STX8: variants seen among roughly 807,000 people sequenced by gnomAD.
The protein encoded by STX8 is syntaxin-8.
STX8 carries 23 observed loss-of-function variants against 37.5 expected under a neutral mutation model. That is an observed-to-expected ratio of 0.61 (90% CI 0.44 to 0.87). STX8 has a LOEUF of 0.87. STX8 is among the 40% of genes least tolerant of loss of function. The pLI is 0.00. For missense variants in STX8, 313 were observed against 284.7 expected (o/e 1.10, Z -0.71); for synonymous variants, 115 against 99.1 (o/e 1.16, Z -0.95).
chr17:9,255,557 T>TATATAAATAAATAA (rs1567756297), intron 7 of STX8, among the ~76,000 whole-genome samples: 1 of 109,818 alleles, frequency 9.1e-6, no homozygotes, highest in Non-Finnish European at 1.8e-5. Context: ...TAAATAAATA[T>TATATAAATAAATAA]ATAAATAAAT....
chr17:9,491,884 T>C lies in STX8; in HGVS notation c.486A>G (p.Ile162Met). Residue 162 changes from isoleucine (I) to methionine (M), a missense_variant, in exon 6 of 8, where the codon ATA becomes ATG. By Grantham distance (10) the Ile-to-Met change is conservative. Transcript: ENST00000306357. ...CCTGCCCCATTTGTTTTTGGCGACT[T>C]ATGATAGAGGAAAGGGCATCAAGGC... The part of the protein sequence containing the change: ...DAGLDALSSI[I>M]SRQKQMGQEI... The C allele has an allele frequency of 1.2e-6, 2 of 1,613,876 alleles. No homozygotes were observed. Among genetic ancestry groups the C allele is most frequent in the Non-Finnish European group, 8.5e-7 (1 of 1,179,946 alleles).
intron 4 of STX8, among the ~76,000 whole-genome samples, chr17:9,529,383 T>C (rs963406269): frequency 6.6e-6 from 1 of 152,214 alleles, no homozygotes; most frequent in African/African-American, 2.4e-5. Flanking sequence ...GTGTAATACA[T>C]GTACATGTAG....
intron 2 of STX8, among the ~76,000 whole-genome samples, chr17:9,559,945 A>G (rs1215325388): frequency 6.8e-6 from 1 of 148,112 alleles, no homozygotes; most frequent in Non-Finnish European, 1.5e-5. Context: ...TATTTTTAGT[A>G]GAGACAGAGT....
intron 4 of STX8, among the ~76,000 whole-genome samples, chr17:9,524,783 TTTTG>T (rs55695494): frequency 2.0e-5 from 3 of 150,010 alleles, no homozygotes; most frequent in Non-Finnish European, 1.5e-5. Flanking sequence ...TTTGTTTTGT[TTTTG>T]TTTGTTTGAG....
intron 7 of STX8, among the ~76,000 whole-genome samples, chr17:9,372,664 GAC>G (rs1290151934): frequency 6.6e-6 from 1 of 151,390 alleles, no homozygotes; most frequent in Non-Finnish European, 1.5e-5. Context: ...TCTTAGTAGA[GAC>G]AGGGTTTCAA....
chr17:9,259,085 G>C (rs180763595), intron 7 of STX8, among the ~76,000 whole-genome samples: 3 of 152,308 alleles, frequency 2.0e-5, no homozygotes, highest in Admixed American at 2.0e-4. Flanking sequence ...TGCGGTGGAA[G>C]GGGTACTGAT....
chr17:9,362,160 G>A (rs561690614), intron 7 of STX8, among the ~76,000 whole-genome samples: 50 of 152,264 alleles, frequency 3.3e-4, no homozygotes, highest in African/African-American at 1.1e-3. Context: ...GTGAAACCCC[G>A]TCTCTACTAA....
intron 3 of STX8, among the ~76,000 whole-genome samples, chr17:9,551,895 G>T (rs925234935): frequency 1.3e-5 from 2 of 151,926 alleles, no homozygotes; most frequent in Non-Finnish European, 1.5e-5. Context: ...AAAAACTAGG[G>T]GGGGGTGTAA....
intron 7 of STX8, among the ~76,000 whole-genome samples, chr17:9,302,576 G>A (rs988667531): frequency 1.2e-4 from 18 of 152,080 alleles, no homozygotes; most frequent in African/African-American, 4.1e-4. Context: ...GAGCAGAAGC[G>A]GTGTGGCCCA....
chr17:9,371,391 C>T (rs1312514969), intron 7 of STX8, among the ~76,000 whole-genome samples: 1 of 152,112 alleles, frequency 6.6e-6, no homozygotes, highest in Admixed American at 6.5e-5. Context: ...CTGCTTAATT[C>T]CCACCCCCTA....
At chr17:9,267,675 T>G (rs1395202147) in intron 7 of STX8, among the ~76,000 whole-genome samples, 2 of 152,226 alleles carry the variant, frequency 1.3e-5, no homozygotes, top group African/African-American at 4.8e-5. Context: ...TCCAACAGCC[T>G]GTATACCTAT....
In STX8 at chr17:9,552,543, T is replaced by C. The variant is rs182080398; in HGVS notation, c.212+4891A>G. Among the ~76,000 whole-genome samples the C allele has an allele frequency of 1.4e-4, 22 of 152,310 alleles. 1 individual carries two copies. The highest frequency in any genetic ancestry group is 1.3e-4 in the Non-Finnish European group (9 of 68,036). ...GTCAGCCTCTCCACAACCACATCCATTGGGGTTTGTTATGTAGTAATCACC... is the reference window on the plus strand; with the variant it reads ...GTCAGCCTCTCCACAACCACATCCACTGGGGTTTGTTATGTAGTAATCACC... On this transcript the variant is annotated intron_variant, in intron 3 of 7. Coordinates refer to ENST00000306357, the MANE Select transcript of STX8 (RefSeq NM_004853.3).
At chr17:9,566,860 C>T (rs938561284) in intron 2 of STX8, among the ~76,000 whole-genome samples, 1 of 152,136 alleles carries the variant, frequency 6.6e-6, no homozygotes, top group Non-Finnish European at 1.5e-5. Context: ...TAACAAAAGA[C>T]ATAGAATCAA....
At chr17:9,335,286 C>G (rs1210647902) in intron 7 of STX8, among the ~76,000 whole-genome samples, 1 of 152,244 alleles carries the variant, frequency 6.6e-6, no homozygotes, top group Non-Finnish European at 1.5e-5. Flanking sequence ...GCAAGTCACA[C>G]TCTTCTACAG....
chr17:9,475,747 C>T (rs987773566), intron 6 of STX8, among the ~76,000 whole-genome samples: 7 of 152,238 alleles, frequency 4.6e-5, no homozygotes, highest in Non-Finnish European at 1.0e-4. Context: ...AGCAAATGGT[C>T]CTGAATCGGC....
intron 6 of STX8, among the ~76,000 whole-genome samples, chr17:9,434,016 T>A (rs1428021245): frequency 2.6e-5 from 4 of 152,120 alleles, no homozygotes; most frequent in Non-Finnish European, 5.9e-5. Flanking sequence ...AGGATCTTTT[T>A]TTTTTGAGAC....
chr17:9,310,459 C>T (rs188999570), intron 7 of STX8, among the ~76,000 whole-genome samples: 2 of 152,266 alleles, frequency 1.3e-5, no homozygotes, highest in East Asian at 1.9e-4. Flanking sequence ...TTCAGTCTTG[C>T]CCCCACCTGT....
At chr17:9,318,185 A>G (rs1909452688) in intron 7 of STX8, among the ~76,000 whole-genome samples, 2 of 152,224 alleles carry the variant, frequency 1.3e-5, no homozygotes, top group Non-Finnish European at 2.9e-5. Flanking sequence ...GGTATGTTAC[A>G]TAGGTATTTA....
At chr17:9,562,004 T>C (rs1410503543) in intron 2 of STX8, among the ~76,000 whole-genome samples, 3 of 151,774 alleles carry the variant, frequency 2.0e-5, no homozygotes, top group Non-Finnish European at 4.4e-5. Flanking sequence ...ATATATTTAA[T>C]AGAAGAAAGC....
Sources: gnomAD v4.1 joint callset for allele counts (sites outside exome capture counted in the v4.1 genomes callset) on GRCh38, gnomAD v4.1.1 for gene constraint, MANE v1.5 for transcripts, NCBI Gene and HGNC (gene_info 2026-07-23, HGNC 2026-07-21) for gene names.